Variants in VDR observed in about 807,000 individuals in gnomAD.
The protein encoded by VDR is vitamin D receptor.
Under a neutral mutation model 39.7 loss-of-function variants are expected in VDR, and 19 were observed. The ratio of observed to expected loss-of-function variants is 0.48; its 90% CI spans 0.33 to 0.70. The LOEUF is 0.70. Ranked by LOEUF, VDR falls within the 30% of genes least tolerant of loss-of-function variation. The pLI, the probability that VDR is intolerant of heterozygous loss-of-function variation, is 0.02. For synonymous variants in VDR, 242 were observed against 215.8 expected (o/e 1.12, Z -1.07); for missense variants, 442 against 570.5 (o/e 0.77, Z 2.29).
chr12:47,845,323 G>C (rs1442258918), intron 9 of VDR, among the ~76,000 whole-genome samples: 1 of 151,546 alleles, frequency 6.6e-6, no homozygotes, highest in African/African-American at 2.4e-5. Context: ...CTTCACATCT[G>C]TGCTCCCTCT....
chr12:47,871,791 C>T (rs951460782), intron 3 of VDR, among the ~76,000 whole-genome samples: 1 of 152,192 alleles, frequency 6.6e-6, no homozygotes, highest in Non-Finnish European at 1.5e-5. Flanking sequence ...TCTCACAGAA[C>T]CTCCATATAA....
At chr12:47,887,298 G>T (rs922355038) in intron 1 of VDR, among the ~76,000 whole-genome samples, 4 of 115,066 alleles carry the variant, frequency 3.5e-5, no homozygotes, top group Non-Finnish European at 5.1e-5. Flanking sequence ...CTCCAGCCTG[G>T]GCGACAAGAG....
At chr12:47,903,021 A>T (rs1222233818) in intron 1 of VDR, among the ~76,000 whole-genome samples, 1 of 152,202 alleles carries the variant, frequency 6.6e-6, no homozygotes. Context: ...AGAAACCATA[A>T]ACACAAACTA....
In VDR at chr12:47,859,087, G is replaced by T. The variant is rs11574078; in HGVS notation, c.278-1399C>A. Among the ~76,000 whole-genome samples the T allele has an allele frequency of 5.9e-3, 896 of 152,344 alleles. 16 individuals are homozygous for T. Among genetic ancestry groups the T allele is most frequent in the African/African-American group, 0.021 (855 of 41,586 alleles). ...CACAGACCCTACCAGGTCAGGCAGG[G>T]TGGGAGAGGAAGGGGCAGGGAGCAT... On this transcript the variant is annotated intron_variant, in intron 4 of 9. Coordinates refer to ENST00000549336, the MANE Select transcript of VDR (RefSeq NM_000376.3).
intron 3 of VDR, among the ~76,000 whole-genome samples, chr12:47,868,867 C>T (rs1030594040): frequency 2.0e-5 from 3 of 152,020 alleles, no homozygotes; most frequent in Non-Finnish European, 4.4e-5. Context: ...AGAGCTCTTC[C>T]TGTTAAGCCT....
intron 1 of VDR, among the ~76,000 whole-genome samples, chr12:47,900,726 T>G (rs1649057289): frequency 6.6e-6 from 1 of 152,148 alleles, no homozygotes; most frequent in Admixed American, 6.5e-5. Flanking sequence ...CCACAGTGCC[T>G]GGAATGTCCC....
At chr12:47,895,662 T>C (rs1379999379) in intron 1 of VDR, among the ~76,000 whole-genome samples, 2 of 152,232 alleles carry the variant, frequency 1.3e-5, no homozygotes, top group Non-Finnish European at 2.9e-5. Context: ...CTGACTGTGA[T>C]GTTTGCTGTT....
chr12:47,889,783 G>C (rs1946330291), intron 1 of VDR, among the ~76,000 whole-genome samples: 1 of 152,198 alleles, frequency 6.6e-6, no homozygotes, highest in African/African-American at 2.4e-5. Flanking sequence ...TGTTAGTGCA[G>C]CTGATGGCTA....
At chr12:47,894,096 T>C (rs1039413599) in intron 1 of VDR, among the ~76,000 whole-genome samples, 11 of 152,240 alleles carry the variant, frequency 7.2e-5, no homozygotes, top group Non-Finnish European at 1.5e-4. Context: ...CTCCCTCTTC[T>C]TTGTTTTTCT....
In VDR at chr12:47,882,969, C is replaced by G. The variant is rs139226989; in HGVS notation, c.-83-195G>C. 1.4e-4 allele frequency: 76 copies of G among 531,134 alleles called. No individual in the cohort carries two copies. In the African/African-American group the frequency reaches 1.5e-3, roughly 10 times the overall value. 32.9% of individuals were successfully genotyped at this position (531,134 alleles called of 1,614,324 possible). A position where few individuals can be genotyped will look rare whatever the true frequency, so the allele number is the denominator to read the frequency against. ...GGGTGTGGGGGTGGCGGCTGGGCAG[C>G]AGCCAGGATGGCCCTCCCTCGAGGC... is the stretch of plus-strand genomic sequence containing the variant. On this transcript the variant is annotated intron_variant, in intron 1 of 9. Transcript: ENST00000549336.
At position 47,865,091 on chromosome 12, in the gene VDR, G is replaced by A. The variant is rs1945701261; in HGVS notation, c.233C>T (p.Ala78Val). 3 of 1,613,856 alleles carry A rather than the reference G, an allele frequency of 1.9e-6. No individual in the cohort carries two copies. Among genetic ancestry groups the A allele is most frequent in the African/African-American group, 1.3e-5 (1 of 74,928 alleles). ...ITKDNRRHCQ[A>V]CRLKRCVDIG... ...GTCCACACAGCGTTTGAGCCGGCAG[G>A]CCTGGCAGTGGCGTCGGTTGTCCTT... is the stretch of plus-strand genomic sequence containing the variant. Residue 78 changes from alanine to valine, a missense_variant, in exon 4 of 10, where the codon GCC becomes GTC. Physicochemically the swap from Ala to Val is moderately conservative, Grantham distance 64. This residue lies in a region of VDR where 141 missense variants were observed against 141.3 expected (regional missense o/e 1.00). Coordinates refer to ENST00000549336, the MANE Select transcript of VDR (RefSeq NM_000376.3).
intron 3 of VDR, among the ~76,000 whole-genome samples, chr12:47,873,165 G>A (rs539050320): frequency 6.6e-6 from 1 of 152,160 alleles, no homozygotes; most frequent in East Asian, 1.9e-4. Flanking sequence ...TGCTGTTCTT[G>A]TGATACTGAG....
intron 7 of VDR, among the ~76,000 whole-genome samples, chr12:47,851,243 AGGCTGCTCTT>A (rs1163225975): frequency 6.6e-6 from 1 of 152,116 alleles, no homozygotes; most frequent in Non-Finnish European, 1.5e-5. Flanking sequence ...CTCAGATCTA[AGGCTGCTCTT>A]GGCCATTTAG....
At chr12:47,855,836 A>G (rs755240747) in intron 6 of VDR, 35 bp from the exon 7 acceptor site, 2 of 1,611,840 alleles carry the variant, frequency 1.2e-6, no homozygotes, top group African/African-American at 1.3e-5. Flanking sequence ...GAGCTATTTA[A>G]GGATACTTGG....
At chr12:47,868,484 C>G (rs995884401) in intron 3 of VDR, among the ~76,000 whole-genome samples, 1 of 152,208 alleles carries the variant, frequency 6.6e-6, no homozygotes. Flanking sequence ...AAACAAAAAG[C>G]CTTTTGCCGT....
chr12:47,856,420 T>C (rs1945488388), intron 6 of VDR, among the ~76,000 whole-genome samples: 1 of 152,118 alleles, frequency 6.6e-6, no homozygotes, highest in South Asian at 2.1e-4. Flanking sequence ...TGTTTTCTTA[T>C]TAAAATGCTG....
chr12:47,869,380 C>CAAA (rs1945803902), intron 3 of VDR, among the ~76,000 whole-genome samples: 1 of 151,708 alleles, frequency 6.6e-6, no homozygotes, highest in Admixed American at 6.6e-5. Context: ...ACTAAAAATG[C>CAAA]AAAACATTAG....
At chr12:47,899,144 A>G (rs1175305654) in intron 1 of VDR, among the ~76,000 whole-genome samples, 1 of 152,202 alleles carries the variant, frequency 6.6e-6, no homozygotes, top group African/African-American at 2.4e-5. Context: ...TGACAGAGAA[A>G]CCAATTTGCC....
At chr12:47,876,527 C>T (rs900700814) in intron 3 of VDR, among the ~76,000 whole-genome samples, 23 of 152,300 alleles carry the variant, frequency 1.5e-4, no homozygotes, top group African/African-American at 5.5e-4. Context: ...GCCCATAGTG[C>T]CAGGCATTGC....
Sources: allele counts gnomAD v4.1 joint callset (sites outside exome capture counted in the v4.1 genomes callset), GRCh38; gene constraint gnomAD v4.1.1; regional missense constraint gnomAD v4.1.1; transcripts MANE v1.5; gene names NCBI Gene and HGNC (gene_info 2026-07-23, HGNC 2026-07-21).